Variants in ZNF534 observed in about 807,000 individuals in gnomAD.
The protein encoded by ZNF534 is zinc finger protein 534, also known as KRAB domain only 3.
Under a neutral mutation model 13.6 loss-of-function variants are expected in ZNF534, and 19 were observed. The observed-to-expected ratio is 1.40, with a 90% CI of 0.97 to 2.05. The LOEUF (loss-of-function observed/expected upper bound fraction) is 2.05, where lower values mean the gene tolerates loss of function less well. Ranked by LOEUF, ZNF534 falls within the 30% of genes most tolerant of loss-of-function variation. The pLI is 0.00. For synonymous variants in ZNF534, 244 were observed against 273.8 expected (o/e 0.89, Z 1.07); for missense variants, 782 against 796.3 (o/e 0.98, Z 0.22).
intron 4 of ZNF534, among the ~76,000 whole-genome samples, chr19:52,436,086 G>A (rs569790493): frequency 9.2e-5 from 14 of 151,420 alleles, no homozygotes; most frequent in African/African-American, 2.4e-4. Context: ...ACAGGCTCCC[G>A]CCACCATGCC....
chr19:52,445,557 C>T (rs2059191590), downstream of ZNF534, among the ~76,000 whole-genome samples: 1 of 152,048 alleles, frequency 6.6e-6, no homozygotes, highest in Admixed American at 6.6e-5. Context: ...TGATCTAGAC[C>T]TTCAGGTTTG....
chr19:52,447,709 G>A (rs141259259), intron 4 of ZNF534, among the ~76,000 whole-genome samples: 3,650 of 151,738 alleles, frequency 0.024, 154 homozygotes, highest in African/African-American at 0.083. Flanking sequence ...TTCTCATAAC[G>A]CAGTGTAGTA....
intron 1 of ZNF534, among the ~76,000 whole-genome samples, 159 bp from the exon 2 acceptor site, chr19:52,431,249 G>T (rs553110894): frequency 6.6e-6 from 1 of 152,258 alleles, no homozygotes; most frequent in African/African-American, 2.4e-5. Context: ...TTGAGGAAGG[G>T]AGTAAAAAAC....
chr19:52,447,149 T>C (rs1268532736), downstream of ZNF534, among the ~76,000 whole-genome samples: 1 of 152,200 alleles, frequency 6.6e-6, no homozygotes, highest in Non-Finnish European at 1.5e-5. Context: ...TGTGATGATA[T>C]CACCTTTATA....
Position 52,439,449 on chromosome 19 carries a change from A to T in ZNF534, c.*3A>T, listed in dbSNP as rs542882279. 28 of 1,506,420 alleles carry T rather than the reference A, an allele frequency of 1.9e-5. No individual in the cohort carries two copies. In the East Asian group the frequency reaches 6.9e-4, roughly 37 times the overall value. The allele number at this position is 1,506,420 out of a possible 1,614,324, so 93.3% of individuals were successfully genotyped here. On this transcript the variant is annotated 3_prime_UTR_variant, in exon 5 of 5. Transcript: ENST00000433050. ...TTCATACCAGAGAGAAGCCTTAAAA[A>T]TTTAGTGAAGCTGGCAGGGCGCAGT...
At position 52,441,985 on chromosome 19, in the gene ZNF534, A is replaced by G. The variant is rs1249835468; in HGVS notation, c.*2539A>G. Among the ~76,000 whole-genome samples the G allele has an allele frequency of 1.3e-5, 2 of 152,192 alleles. No homozygotes were observed. The highest frequency in any genetic ancestry group is 4.8e-5 in the African/African-American group (2 of 41,434). On this transcript the variant is annotated 3_prime_UTR_variant, in exon 5 of 5. Transcript: ENST00000433050. ...ATCAGAGGTTCCATACTAAGGAGAA[A>G]TCATATAAATGTAATGTATGTGGCA...
chr19:52,446,594 G>C (rs2561019), downstream of ZNF534, among the ~76,000 whole-genome samples: 139,232 of 152,146 alleles, frequency 0.92, 64,059 homozygotes, highest in Non-Finnish European at 0.96. Context: ...GTGGTGGCTC[G>C]TGCCTGTAAC....
At chr19:52,445,026 C>G (rs2081503301), downstream of ZNF534, among the ~76,000 whole-genome samples, 1 of 152,156 alleles carries the variant, frequency 6.6e-6, no homozygotes, top group Non-Finnish European at 1.5e-5. Flanking sequence ...CAGGAGACTT[C>G]TCATTCAGTT....
Position 52,451,231 on chromosome 19 carries a change from G to A in ZNF534, c.316G>A (p.Ala106Thr), listed in dbSNP as rs777069205. ...GGACGCGCGCGTCTTCAGGGTGGAA[G>A]CCTGGCGCGCGTCCGGAGGTGCTGA... The change falls in exon 5 of 5, where the codon GCC becomes ACC. Residue 106 changes from alanine to threonine, a missense_variant. Physicochemically the swap from Ala to Thr is moderately conservative, Grantham distance 58 (BLOSUM62 0). Coordinates refer to the ZNF534 transcript ENST00000301085. 8 of 725,074 alleles carry A rather than the reference G, an allele frequency of 1.1e-5. No homozygotes were observed. In the East Asian group the frequency reaches 1.6e-4, roughly 15 times the overall value. The allele number at this position is 725,074 out of a possible 1,614,324, so 44.9% of individuals were successfully genotyped here.
Position 52,450,687 on chromosome 19 carries a change from TTTTG to T in ZNF534, c.272-496_272-493del, listed in dbSNP as rs757029267. Among the ~76,000 whole-genome samples, 190 of 22,992 alleles carry T rather than the reference TTTTG, an allele frequency of 8.3e-3. 5 individuals carry two copies. Among genetic ancestry groups the T allele is most frequent in the Non-Finnish European group, 0.015 (143 of 9,630 alleles). The allele number at this position is 22,992 out of a possible 152,430, so 15.1% of individuals were successfully genotyped here. ...TTTTAGGAGTTTTTTTTTTTTTTGT[TTTTG>T]TTTTTGTTTTTTTTTTTTAGACAAG... is the stretch of plus-strand genomic sequence containing the variant. On this transcript the variant is annotated intron_variant, in intron 4 of 4. Transcript: ENST00000301085.
At position 52,437,982 on chromosome 19, in the gene ZNF534, A is replaced by T; in HGVS notation, c.522A>T (p.Pro174=). The T allele has an allele frequency of 6.2e-7, 1 of 1,614,056 alleles. No individual in the cohort carries two copies. Among genetic ancestry groups the T allele is most frequent in the Non-Finnish European group, 8.5e-7 (1 of 1,179,996 alleles). ...ATTTTCTTTTTTCTACATTACTCCC[A>T]CAAGAACAGAAAGTACACATTAGGG... ...RNDFLFSTLL[P]QEQKVHIREK... is the part of the protein sequence containing the mutation. Residue 174 remains proline (P), a synonymous_variant, in exon 5 of 5, where the codon CCA becomes CCT. Transcript: ENST00000433050.
intron 4 of ZNF534, among the ~76,000 whole-genome samples, chr19:52,448,155 C>T (rs1389517975): frequency 1.3e-5 from 2 of 152,102 alleles, no homozygotes; most frequent in Non-Finnish European, 2.9e-5. Context: ...GTGGCTCACA[C>T]CTGTAATCCC....
chr19:52,437,703 T>A, intron 4 of ZNF534, 29 bp from the exon 5 acceptor site: 1 of 1,528,372 alleles, frequency 6.5e-7, no homozygotes, highest in Non-Finnish European at 8.8e-7. Flanking sequence ...GAATCGGGAT[T>A]AAGTTCTAAA....
Position 52,437,823 on chromosome 19 carries a change from GCCATT to G in ZNF534, c.364_368del (p.Pro122SerfsTer10). The G allele has an allele frequency of 6.2e-7, 1 of 1,613,556 alleles. No homozygotes were observed. Among genetic ancestry groups the G allele is most frequent in the Non-Finnish European group, 8.5e-7 (1 of 1,179,682 alleles). On this transcript the variant is annotated frameshift_variant, in exon 5 of 5. Coordinates refer to ENST00000433050, the MANE Select transcript of ZNF534 (RefSeq NM_001143938.3). LOFTEE classifies it low-confidence loss of function (END_TRUNC). The stretch of plus-strand genomic sequence containing the variant: ...TTCAGTTACATCTGACTGAATGGCA[GCCATT>G]TCAAGCTGTAAGGAATATTTATGGA...
intron 3 of ZNF534, 30 bp from the exon 4 acceptor site, chr19:52,435,051 C>G (rs759804130): frequency 6.2e-7 from 1 of 1,604,860 alleles, no homozygotes; most frequent in South Asian, 1.1e-5. Flanking sequence ...GATGCCACAG[C>G]ACACATTTAT....
chr19:52,451,379 A>T (rs1316095563), exon 5 of ZNF534: 1 of 882,174 alleles, frequency 1.1e-6, no homozygotes, highest in Non-Finnish European at 1.9e-6. Flanking sequence ...CTCACGGCAG[A>T]GGGCCGAGGC....
rs1329253203 is a variant in ZNF534 at position 52,438,947 on chromosome 19, G to A, written c.1487G>A (p.Cys496Tyr). Residue 496 changes from cysteine (C) to tyrosine (Y), a missense_variant, in exon 5 of 5, where the codon TGT becomes TAT. Physicochemically the swap from Cys to Tyr is radical, Grantham distance 194. This residue lies in a region of ZNF534 where 591 missense variants were observed against 574.0 expected (regional missense o/e 1.03). Coordinates refer to ENST00000433050, the MANE Select transcript of ZNF534 (RefSeq NM_001143938.3). ...CATACTGGAGAGAAGCTTTACAAAT[G>A]TAATGAATGTGGCAAGGTCTTCCGT... ...KIHTGEKLYK[C>Y]NECGKVFRQN... is the part of the protein sequence containing the mutation. The A allele has an allele frequency of 3.1e-6, 5 of 1,603,922 alleles. No homozygotes were observed. Among genetic ancestry groups the A allele is most frequent in the South Asian group, 1.1e-5 (1 of 90,188 alleles).
At chr19:52,430,846 T>G (rs2059082495) in intron 1 of ZNF534, among the ~76,000 whole-genome samples, 1 of 76,528 alleles carries the variant, frequency 1.3e-5, no homozygotes, top group Non-Finnish European at 2.4e-5. Context: ...ACACATGGCC[T>G]TTTTTTTTTC....
At chr19:52,444,847 G>A (rs4802945), downstream of ZNF534, among the ~76,000 whole-genome samples, 139,281 of 152,194 alleles carry the variant, frequency 0.92, 64,083 homozygotes, top group Non-Finnish European at 0.96. Flanking sequence ...CACTCCCACC[G>A]TGCCCCCATG....
Sources: allele counts gnomAD v4.1 joint callset (sites outside exome capture counted in the v4.1 genomes callset), GRCh38; gene constraint gnomAD v4.1.1; regional missense constraint gnomAD v4.1.1; transcripts MANE v1.5; gene names NCBI Gene and HGNC (gene_info 2026-07-23, HGNC 2026-07-21).